Variants in MBOAT7 observed in about 807,000 individuals in gnomAD.
MBOAT7 encodes the protein membrane-bound acylglycerophosphatidylinositol O-acyltransferase MBOAT7.
Under a neutral mutation model 47.4 loss-of-function variants are expected in MBOAT7, and 40 were observed. That is an observed-to-expected ratio of 0.84 (90% CI 0.66 to 1.10). The LOEUF is 1.10. Among genes scored for constraint, MBOAT7 ranks in the 50% least tolerant of loss-of-function variants. The probability of loss-of-function intolerance (pLI) is 0.00; values close to 1 mark genes in which losing one functional copy is unlikely to be tolerated. For synonymous variants in MBOAT7, 361 were observed against 292.0 expected (o/e 1.24, Z -2.41); for missense variants, 680 against 655.6 (o/e 1.04, Z -0.41).
chr19:54,175,611 CACG>C (rs1188382931), intron 7 of MBOAT7, among the ~76,000 whole-genome samples: 1 of 152,150 alleles, frequency 6.6e-6, no homozygotes, highest in Non-Finnish European at 1.5e-5. Context: ...TCTGTTGCCA[CACG>C]ACAAGGCTCA....
intron 5 of MBOAT7, among the ~76,000 whole-genome samples, chr19:54,181,905 GGGAAGGAGGGAA>G (rs2076291830): frequency 2.7e-4 from 2 of 7,340 alleles, no homozygotes; most frequent in African/African-American, 7.9e-4. Context: ...GAGGGAGGGA[GGGAAGGAGGGAA>G]GGAGGGAGGG....
intron 5 of MBOAT7, among the ~76,000 whole-genome samples, chr19:54,182,616 A>G (rs1481845833): frequency 6.6e-6 from 1 of 152,140 alleles, no homozygotes; most frequent in African/African-American, 2.4e-5. Flanking sequence ...GATGAGGTAA[A>G]CATTAATGAA....
Position 54,180,819 on chromosome 19 carries a change from C to G in MBOAT7, c.808G>C (p.Ala270Pro), listed in dbSNP as rs1158869573. The change falls in exon 6 of 8, where the codon GCC becomes CCC. Residue 270 changes from alanine (A) to proline (P), a missense_variant. Physicochemically the swap from Ala to Pro is conservative, Grantham distance 27. Transcript: ENST00000245615. This position sits in a 1 kb window ranked among gnomAD's most constrained non-coding sequence, Gnocchi z 5.2. ...AGGGTGGGGCCGCCTCCGGCCCGGG[C>G]TTTGGCGGCCACGGGGTAGGCCCCA... The part of the protein sequence containing the change: ...GFGAYPVAAK[A>P]RAGGGPTLQC... 1.9e-6 allele frequency: 3 copies of G among 1,566,102 alleles called. No homozygotes were observed. Among genetic ancestry groups the G allele is most frequent in the African/African-American group, 1.3e-5 (1 of 74,316 alleles).
rs2076226488 is a variant in MBOAT7, at chr19:54,180,300, A to G, written c.854+473T>C. The G allele has an allele frequency of 6.4e-6, 1 of 155,898 alleles. No individual in the cohort carries two copies. The highest frequency in any genetic ancestry group is 2.4e-5 in the African/African-American group (1 of 41,442). 9.7% of individuals were successfully genotyped at this position (155,898 alleles called of 1,614,324 possible). ...GTGCCGTATCTGCAGCAACAGAGCA[A>G]AACTTCTGGTAAAAAGGAGGTGAGC... On this transcript the variant is annotated intron_variant, in intron 6 of 7. Transcript: ENST00000245615. The surrounding 1 kb of genome is among the most constrained non-coding windows in gnomAD (Gnocchi z 5.2).
intron 5 of MBOAT7, among the ~76,000 whole-genome samples, chr19:54,181,709 A>G (rs1286233195): frequency 3.0e-5 from 2 of 66,460 alleles, no homozygotes; most frequent in African/African-American, 7.0e-5. Context: ...GAGGGAAGGA[A>G]GAAGGGAGGG....
Position 54,180,833 on chromosome 19 carries a change from G to A in MBOAT7, c.794C>T (p.Pro265Leu). The stretch of plus-strand genomic sequence containing the variant: ...TCCGGCCCGGGCTTTGGCGGCCACG[G>A]GGTAGGCCCCAAAGCCGGCGGCAAT... ...GCIAAGFGAY[P>L]VAAKARAGGG... Residue 265 changes from proline (P) to leucine (L), a missense_variant, in exon 6 of 8, where the codon CCC becomes CTC. Pro to Leu is a moderately conservative substitution (Grantham distance 98). Coordinates refer to ENST00000245615, the MANE Select transcript of MBOAT7 (RefSeq NM_024298.5). The surrounding 1 kb of genome is among the most constrained non-coding windows in gnomAD (Gnocchi z 5.2). 1.3e-6 allele frequency: 2 copies of A among 1,574,922 alleles called. No individual in the cohort carries two copies. Among genetic ancestry groups the A allele is most frequent in the Non-Finnish European group, 1.7e-6 (2 of 1,163,924 alleles).
At position 54,184,159 on chromosome 19, in the gene MBOAT7, CT is replaced by C. The variant is rs1186632005; in HGVS notation, c.334-480del. 2.6e-3 allele frequency among the ~76,000 whole-genome samples: 308 copies of C among 119,556 alleles called. 1 individual carries two copies. Among genetic ancestry groups the C allele is most frequent in the Non-Finnish European group, 4.1e-3 (237 of 57,118 alleles). The allele number at this position is 119,556 out of a possible 152,430, so 78.4% of individuals were successfully genotyped here. On this transcript the variant is annotated intron_variant, in intron 4 of 7. Coordinates refer to ENST00000245615, the MANE Select transcript of MBOAT7 (RefSeq NM_024298.5). Reference sequence around the variant, plus strand: ...CCAAATCCGATCCTTTAATCTCTCTCTCTTTTTTTTTTTTTTTTTTTTTGAG... The same window carrying C: ...CCAAATCCGATCCTTTAATCTCTCTCCTTTTTTTTTTTTTTTTTTTTTGAG...
chr19:54,177,467 T>C (rs545945320), intron 7 of MBOAT7, among the ~76,000 whole-genome samples: 91 of 151,768 alleles, frequency 6.0e-4, no homozygotes, highest in Non-Finnish European at 2.6e-4. Context: ...GGCTAATTTT[T>C]TGTATTTTTA....
intron 7 of MBOAT7, 61 bp from the exon 8 acceptor site, chr19:54,174,492 A>G: frequency 2.8e-6 from 4 of 1,448,148 alleles, no homozygotes; most frequent in Non-Finnish European, 3.6e-6. Flanking sequence ...CACTGCCCCC[A>G]GATCCAGGAG....
chr19:54,187,121 A>C, intron 4 of MBOAT7, 40 bp downstream of exon 4: 1 of 1,531,840 alleles, frequency 6.5e-7, no homozygotes. Flanking sequence ...GAAGGGGCCC[A>C]CAGGGAGGCT....
chr19:54,175,283 G>C (rs544817606), intron 7 of MBOAT7, among the ~76,000 whole-genome samples: 1 of 152,160 alleles, frequency 6.6e-6, no homozygotes, highest in Non-Finnish European at 1.5e-5. Context: ...CGGGCAGCCC[G>C]GTGGTTCTTA....
At chr19:54,188,015 C>CAA (rs1491140764) in intron 3 of MBOAT7, among the ~76,000 whole-genome samples, 2 of 78,328 alleles carry the variant, frequency 2.6e-5, no homozygotes, top group African/African-American at 1.1e-4. Flanking sequence ...AACTCCATCT[C>CAA]AGAAAGAAAG....
At chr19:54,177,621 C>A (rs1240159145) in intron 7 of MBOAT7, among the ~76,000 whole-genome samples, 2 of 151,460 alleles carry the variant, frequency 1.3e-5, no homozygotes, top group Non-Finnish European at 2.9e-5. Context: ...GAGACAAAGT[C>A]TCTCTCTGTT....
In MBOAT7 at chr19:54,180,782, G is replaced by A; in HGVS notation, c.845C>T (p.Pro282Leu). Residue 282 changes from proline to leucine, a missense_variant, in exon 6 of 8, where the codon CCC becomes CTC. Transcript: ENST00000245615. This position sits in a 1 kb window ranked among gnomAD's most constrained non-coding sequence, Gnocchi z 5.2. ...CCTCGCGCCGCCTGACCTGCTGGGG[G>A]GTGGGCATTGGAGGGTGGGGCCGCC... ...AGGGPTLQCP[P>L]PSSPEKAASL... The A allele has an allele frequency of 6.5e-7, 1 of 1,543,166 alleles. No homozygotes were observed. The highest frequency in any genetic ancestry group is 8.7e-7 in the Non-Finnish European group (1 of 1,151,200).
rs772114260 is a variant in MBOAT7, at chr19:54,180,940, G to A, written c.687C>T (p.Ala229=). ...EDAFYARPLP[A]RLFYMIPVFF... ...AGACGGGGATCATGTAGAAGAGGCG[G>A]GCGGGCAGCGGGCGGGCGTAGAAGG... is the stretch of plus-strand genomic sequence containing the variant. The change falls in exon 6 of 8, where the codon GCC becomes GCT. Residue 229 remains alanine, a synonymous_variant. Coordinates refer to ENST00000245615, the MANE Select transcript of MBOAT7 (RefSeq NM_024298.5). The surrounding 1 kb of genome is among the most constrained non-coding windows in gnomAD (Gnocchi z 5.2). The A allele has an allele frequency of 1.3e-6, 2 of 1,589,096 alleles. No homozygotes were observed. The highest frequency in any genetic ancestry group is 8.5e-7 in the Non-Finnish European group (1 of 1,169,954).
chr19:54,188,578 G>C (rs2076528935), intron 1 of MBOAT7, 67 bp from the exon 2 acceptor site: 9 of 1,464,178 alleles, frequency 6.1e-6, no homozygotes, highest in Non-Finnish European at 6.5e-6. Flanking sequence ...CTCCCTCTTC[G>C]AGGATCCAGG....
chr19:54,186,936 C>A (rs2076442869), intron 4 of MBOAT7: 1 of 362,716 alleles, frequency 2.8e-6, no homozygotes, highest in Non-Finnish European at 4.5e-6. Context: ...CCTACTGTTA[C>A]CCTATGTGGG....
intron 6 of MBOAT7, 168 bp from the exon 7 acceptor site, chr19:54,179,109 T>C: frequency 2.3e-6 from 2 of 873,236 alleles, no homozygotes; most frequent in Non-Finnish European, 3.4e-6. Context: ...GCCCAGAGGG[T>C]GCCTGTAGGG....
rs574129950 is a variant in MBOAT7 at position 54,178,961 on chromosome 19, G to T, written c.855-20C>A. The T allele has an allele frequency of 5.0e-6, 8 of 1,610,724 alleles. No individual in the cohort carries two copies. The South Asian group carries it at 5.5e-5, about 11-fold the overall frequency. On this transcript the variant is annotated intron_variant, in intron 6 of 7. Transcript: ENST00000245615. ...TCCGGACTGGGGGGTGGAGGATGAG[G>T]GTGGGGGACAGACATGCAGCTCAGC...
Sources: allele counts gnomAD v4.1 joint callset (sites outside exome capture counted in the v4.1 genomes callset), GRCh38; gene constraint gnomAD v4.1.1; non-coding constraint Gnocchi (gnomAD v3.1); transcripts MANE v1.5; gene names NCBI Gene and HGNC (gene_info 2026-07-23, HGNC 2026-07-21).